The following HSPA4 variants were observed in gnomAD, a reference collection of about 807,000 sequenced individuals.
The protein encoded by HSPA4 is heat shock 70 kDa protein 4.
HSPA4 carries 25 observed loss-of-function variants against 106.2 expected under a neutral mutation model. That is an observed-to-expected ratio of 0.24 (90% CI 0.17 to 0.33). HSPA4 has a LOEUF of 0.33. Among genes scored for constraint, HSPA4 ranks in the 10% least tolerant of loss-of-function variants. The pLI, the probability that HSPA4 is intolerant of heterozygous loss-of-function variation, is 1.00. For synonymous variants in HSPA4, 332 were observed against 333.6 expected (o/e 1.00, Z 0.05); for missense variants, 841 against 996.0 (o/e 0.84, Z 2.10).
chr5:133,086,631 T>C, intron 7 of HSPA4, 151 bp from the exon 8 acceptor site: 1 of 601,194 alleles, frequency 1.7e-6, no homozygotes, highest in African/African-American at 1.9e-5. Flanking sequence ...CATTTTCATT[T>C]TCTATTACCT....
chr5:133,092,030 C>T (rs1765653752), intron 12 of HSPA4, among the ~76,000 whole-genome samples: 1 of 152,074 alleles, frequency 6.6e-6, no homozygotes, highest in South Asian at 2.1e-4. Flanking sequence ...GCCTATGTGT[C>T]AGAGTGTGAC....
intron 7 of HSPA4, among the ~76,000 whole-genome samples, chr5:133,080,172 G>A (rs1429902461): frequency 1.3e-5 from 2 of 151,594 alleles, no homozygotes; most frequent in East Asian, 1.9e-4. Context: ...CTAGCACTTT[G>A]GGACGTCGAG....
At chr5:133,054,437 C>T (rs1222307815) in intron 1 of HSPA4, among the ~76,000 whole-genome samples, 1 of 152,128 alleles carries the variant, frequency 6.6e-6, no homozygotes, top group African/African-American at 2.4e-5. Flanking sequence ...CTCTTGACCT[C>T]AAGTGATCTG....
chr5:133,056,706 A>G (rs963874353), intron 1 of HSPA4, among the ~76,000 whole-genome samples: 10 of 152,188 alleles, frequency 6.6e-5, no homozygotes, highest in African/African-American at 1.7e-4. Context: ...TTTTTATTGT[A>G]TAGATTTCCA....
At chr5:133,060,692 T>G (rs1037786355) in intron 1 of HSPA4, among the ~76,000 whole-genome samples, 1 of 152,036 alleles carries the variant, frequency 6.6e-6, no homozygotes, top group Non-Finnish European at 1.5e-5. Context: ...ATTCAGCAAA[T>G]TGATCATATT....
chr5:133,066,391 T>C (rs1051564858), intron 2 of HSPA4, among the ~76,000 whole-genome samples: 2 of 152,198 alleles, frequency 1.3e-5, no homozygotes, highest in African/African-American at 4.8e-5. Flanking sequence ...TTTGAATATT[T>C]TTGTCAGCAT....
chr5:133,079,204 T>A (rs2126705523), intron 7 of HSPA4, among the ~76,000 whole-genome samples: 1 of 152,336 alleles, frequency 6.6e-6, no homozygotes. Flanking sequence ...TTTAGTAAAT[T>A]CACAGGGTTG....
chr5:133,095,827 T>C (rs1430677329), intron 13 of HSPA4, among the ~76,000 whole-genome samples: 2 of 152,186 alleles, frequency 1.3e-5, no homozygotes, highest in Admixed American at 6.6e-5. Context: ...ACTGAAACTC[T>C]ATACCCATTA....
intron 13 of HSPA4, among the ~76,000 whole-genome samples, chr5:133,094,920 G>C (rs1765691424): frequency 6.6e-6 from 1 of 152,164 alleles, no homozygotes; most frequent in African/African-American, 2.4e-5. Context: ...CTGTGGATGA[G>C]GAAGGGCTTT....
intron 12 of HSPA4, 69 bp from the exon 13 acceptor site, chr5:133,092,631 C>A: frequency 9.8e-7 from 1 of 1,016,764 alleles, no homozygotes; most frequent in Non-Finnish European, 1.5e-6. Context: ...AACTATGTGA[C>A]TTTGTCAATG....
intron 1 of HSPA4, among the ~76,000 whole-genome samples, chr5:133,062,865 C>T (rs1281615230): frequency 2.0e-5 from 3 of 152,090 alleles, no homozygotes; most frequent in Non-Finnish European, 4.4e-5. Flanking sequence ...CAGGGAGGCC[C>T]AGCATTCTGC....
In HSPA4 at chr5:133,089,118, C is replaced by T. The variant is rs1428009361; in HGVS notation, c.1201C>T (p.Pro401Ser). The T allele has an allele frequency of 1.2e-6, 2 of 1,603,228 alleles. No individual in the cohort carries two copies. The highest frequency in any genetic ancestry group is 1.3e-5 in the African/African-American group (1 of 74,720). ...TTCTATCACTGATGTAGTACCATATCCAATATCTCTGAGATGGAATTCTCC... is the reference window on the plus strand; with the variant it reads ...TTCTATCACTGATGTAGTACCATATTCAATATCTCTGAGATGGAATTCTCC... ...EFSITDVVPY[P>S]ISLRWNSPAE... Residue 401 changes from proline (P) to serine (S), a missense_variant, in exon 10 of 19, where the codon CCA (proline) becomes TCA (serine). Coordinates refer to ENST00000304858, the MANE Select transcript of HSPA4 (RefSeq NM_002154.4).
At chr5:133,062,565 A>AT (rs1030754312) in intron 1 of HSPA4, among the ~76,000 whole-genome samples, 42 of 151,594 alleles carry the variant, frequency 2.8e-4, no homozygotes, top group Middle Eastern at 3.4e-3. Context: ...GGTAGTGAGG[A>AT]TTTTTTTTTA....
chr5:133,078,840 C>T (rs1379799207), intron 7 of HSPA4, among the ~76,000 whole-genome samples: 1 of 151,886 alleles, frequency 6.6e-6, no homozygotes, highest in Non-Finnish European at 1.5e-5. Context: ...CTCAAGTGAT[C>T]CTCCTGCCTC....
chr5:133,080,635 A>G (rs1426450852), intron 7 of HSPA4, among the ~76,000 whole-genome samples: 1 of 151,844 alleles, frequency 6.6e-6, no homozygotes, highest in South Asian at 2.1e-4. Flanking sequence ...GGGAATTCCT[A>G]CATAATTATG....
intron 13 of HSPA4, among the ~76,000 whole-genome samples, chr5:133,094,735 T>TTGC (rs1055607250): frequency 4.6e-5 from 7 of 152,192 alleles, no homozygotes; most frequent in Admixed American, 2.6e-4. Flanking sequence ...TTGCATAGCA[T>TTGC]TGCTTCTAAA....
intron 15 of HSPA4, 125 bp from the exon 16 acceptor site, chr5:133,099,420 A>G (rs1765757876): frequency 2.3e-6 from 1 of 426,946 alleles, no homozygotes; most frequent in South Asian, 4.0e-5. Flanking sequence ...AGTGTGAGCC[A>G]CTGCACCTGG....
At position 133,106,248 on chromosome 5, in the gene HSPA4, TTAAGA is replaced by T. The variant is rs906181501; in HGVS notation, c.*1813_*1817del. ...TGCTTGCTCTCTGCTTAGACAGGCT[TTAAGA>T]CCAATTGGATTTTCATGGAGGCCAG... On this transcript the variant is annotated 3_prime_UTR_variant, in exon 19 of 19. Transcript: ENST00000304858. The T allele has an allele frequency of 6.7e-6, 1 of 148,424 alleles. No individual in the cohort carries two copies. Among genetic ancestry groups the T allele is most frequent in the Non-Finnish European group, 1.5e-5 (1 of 67,286 alleles). The allele number at this position is 148,424 out of a possible 1,614,324, so 9.2% of individuals were successfully genotyped here.
At chr5:133,071,091 C>G (rs1252439629) in intron 4 of HSPA4, among the ~76,000 whole-genome samples, 1 of 151,902 alleles carries the variant, frequency 6.6e-6, no homozygotes, top group Non-Finnish European at 1.5e-5. Flanking sequence ...GGTAGCCACT[C>G]ATTTGTTGAA....
Sources: gnomAD v4.1 joint callset for allele counts (sites outside exome capture counted in the v4.1 genomes callset) on GRCh38, gnomAD v4.1.1 for gene constraint, MANE v1.5 for transcripts, NCBI Gene and HGNC (gene_info 2026-07-23, HGNC 2026-07-21) for gene names.